RUBCN: variants seen among roughly 807,000 people sequenced by gnomAD.
RUBCN encodes the protein rubicon autophagy regulator, also known as run domain Beclin-1-interacting and cysteine-rich domain-containing protein.
RUBCN carries 74 observed loss-of-function variants against 113.2 expected under a neutral mutation model. The observed-to-expected ratio is 0.65, with a 90% CI of 0.54 to 0.79. RUBCN has a LOEUF of 0.79. Among genes scored for constraint, RUBCN ranks in the 30% least tolerant of loss-of-function variants. The probability of loss-of-function intolerance (pLI) is 0.00; values close to 1 mark genes in which losing one functional copy is unlikely to be tolerated. For missense variants in RUBCN, 1,109 were observed against 1,251.7 expected (o/e 0.89, Z 1.72); for synonymous variants, 480 against 490.0 (o/e 0.98, Z 0.27).
At chr3:197,706,185 C>A (rs1724280258) in intron 2 of RUBCN, among the ~76,000 whole-genome samples, 3 of 152,168 alleles carry the variant, frequency 2.0e-5, no homozygotes. Flanking sequence ...TTCCACGCCA[C>A]CCAGGTCAGG....
chr3:197,677,793 T>C (rs1467044488), intron 16 of RUBCN, among the ~76,000 whole-genome samples: 1 of 147,716 alleles, frequency 6.8e-6, no homozygotes, highest in Non-Finnish European at 1.5e-5. Flanking sequence ...GACACCTGGC[T>C]TCAGACTGTC....
chr3:197,669,790 T>C lies in RUBCN; in HGVS notation c.*5228A>G, dbSNP rs1188254662. 6.6e-6 allele frequency among the ~76,000 whole-genome samples: 1 copy of C among 152,270 alleles called. No homozygotes were observed. Among genetic ancestry groups the C allele is most frequent in the Non-Finnish European group, 1.5e-5 (1 of 68,048 alleles). ...ATTTATTTATTTGGTCATTTATTTA[T>C]GTATGTATGGACTAATAAATATATA... On this transcript the variant is annotated 3_prime_UTR_variant, in exon 20 of 20. Transcript: ENST00000296343.
chr3:197,747,090 C>T (rs1488026426), intron 1 of RUBCN, among the ~76,000 whole-genome samples: 4 of 152,072 alleles, frequency 2.6e-5, no homozygotes, highest in African/African-American at 7.2e-5. Context: ...GACCCAGTTC[C>T]GATTTCTTGG....
intron 1 of RUBCN, among the ~76,000 whole-genome samples, chr3:197,742,947 C>T (rs921695687): frequency 3.9e-5 from 6 of 152,184 alleles, no homozygotes; most frequent in African/African-American, 1.4e-4. Context: ...AATCTAGAAC[C>T]CCTGGTGGTC....
At chr3:197,705,868 C>T (rs1249873283) in intron 2 of RUBCN, among the ~76,000 whole-genome samples, 1 of 152,106 alleles carries the variant, frequency 6.6e-6, no homozygotes, top group South Asian at 2.1e-4. Context: ...GCTAGAACTA[C>T]AGGCACATGA....
At chr3:197,749,646 C>G in exon 1 of RUBCN, 1 of 879,434 alleles carries the variant, frequency 1.1e-6, no homozygotes, top group Non-Finnish European at 1.7e-6. Context: ...GCATAAGATT[C>G]AGAGGTGCCC....
chr3:197,693,592 C>A, intron 11 of RUBCN, 123 bp downstream of exon 11: 1 of 748,224 alleles, frequency 1.3e-6, no homozygotes, highest in East Asian at 2.8e-5. Flanking sequence ...AAGGCTGTCC[C>A]TTACAATAGC....
intron 1 of RUBCN, among the ~76,000 whole-genome samples, chr3:197,747,702 G>A (rs189146762): frequency 2.6e-5 from 4 of 152,278 alleles, no homozygotes; most frequent in Admixed American, 2.6e-4. Flanking sequence ...AGCAGAGATG[G>A]TAGAAGTTAT....
chr3:197,693,858 G>A, intron 10 of RUBCN, 42 bp from the exon 11 acceptor site: 1 of 1,353,262 alleles, frequency 7.4e-7, no homozygotes, highest in Admixed American at 1.7e-5. Flanking sequence ...AGGGCAGAAA[G>A]AGGTCTTCTT....
intron 11 of RUBCN, among the ~76,000 whole-genome samples, chr3:197,688,103 T>C (rs1722044208): frequency 6.6e-6 from 1 of 152,190 alleles, no homozygotes; most frequent in Non-Finnish European, 1.5e-5. Flanking sequence ...CTCGGCTCAC[T>C]GCAACCTCCA....
At chr3:197,685,493 C>T (rs553140565) in intron 11 of RUBCN, among the ~76,000 whole-genome samples, 1 of 152,138 alleles carries the variant, frequency 6.6e-6, no homozygotes, top group Non-Finnish European at 1.5e-5. Flanking sequence ...ATCACCCTAA[C>T]AAGAAATAAG....
exon 1 of RUBCN, chr3:197,749,335 G>T: frequency 4.4e-6 from 5 of 1,149,294 alleles, no homozygotes; most frequent in Non-Finnish European, 5.5e-6. Flanking sequence ...TGAGAGTGCC[G>T]ATTGAGAGAA....
intron 1 of RUBCN, among the ~76,000 whole-genome samples, chr3:197,748,674 G>A (rs902884644): frequency 5.3e-5 from 8 of 152,188 alleles, no homozygotes; most frequent in Non-Finnish European, 8.8e-5. Flanking sequence ...TTATTGTTAA[G>A]GTGACCGCAA....
intron 1 of RUBCN, 50 bp downstream of exon 1, chr3:197,736,605 G>C (rs1397090132): frequency 9.2e-6 from 14 of 1,526,278 alleles, no homozygotes; most frequent in African/African-American, 4.1e-5. Context: ...AAGCCTCCCG[G>C]GGCTCCGGCG....
chr3:197,729,413 C>CGGCTAATTTTTTT (rs1727158461), intron 1 of RUBCN, among the ~76,000 whole-genome samples: 1 of 151,892 alleles, frequency 6.6e-6, no homozygotes, highest in Non-Finnish European at 1.5e-5. Flanking sequence ...CCACCACGCC[C>CGGCTAATTTTTTT]GGCTAATTTT....
chr3:197,717,999 T>C lies in RUBCN; in HGVS notation c.197A>G (p.Tyr66Cys), dbSNP rs758564558. 1 of 1,614,070 alleles carries C rather than the reference T, an allele frequency of 6.2e-7. No homozygotes were observed. Among genetic ancestry groups the C allele is most frequent in the Non-Finnish European group, 8.5e-7 (1 of 1,180,028 alleles). Residue 66 changes from tyrosine to cysteine, a missense_variant, in exon 2 of 20, where the codon TAT becomes TGT. Coordinates refer to ENST00000296343, the MANE Select transcript of RUBCN (RefSeq NM_014687.4). Reference sequence around the variant, plus strand: ...TACCTGGTCACGGATAAGCCCGTGATAGAGGATGCTCTGCATGTCCCTGCA... The same window carrying C: ...TACCTGGTCACGGATAAGCCCGTGACAGAGGATGCTCTGCATGTCCCTGCA... Reference protein sequence around the residue: ...RLCRDMQSILYHGLIRDQACR... With the variant: ...RLCRDMQSILCHGLIRDQACR...
chr3:197,681,111 C>G lies in RUBCN; in HGVS notation c.2430+18G>C, dbSNP rs1050975947. 7.1e-6 allele frequency: 11 copies of G among 1,559,678 alleles called. No homozygotes were observed. In the Admixed American group the frequency reaches 1.0e-4, roughly 14 times the overall value. On this transcript the variant is annotated intron_variant, in intron 16 of 19. Transcript: ENST00000296343. This position sits in a 1 kb window ranked among gnomAD's most constrained non-coding sequence, Gnocchi z 5.5. ...GGAGAAGGGCAAGACTCTAAGGTGG[C>G]CTTTTCCAAGGTCTTACCCGGACTT...
Position 197,681,865 on chromosome 3 carries a change from A to T in RUBCN, c.2161T>A (p.Cys721Ser), listed in dbSNP as rs1721282898. ...TCAGTCCGGATGCCACATCCTGCACAGCGGTAATTCTGCTTGGCCACGGCA... is the reference window on the plus strand; with the variant it reads ...TCAGTCCGGATGCCACATCCTGCACTGCGGTAATTCTGCTTGGCCACGGCA... ...KIAVAKQNYR[C>S]AGCGIRTDPD... Residue 721 changes from cysteine to serine, a missense_variant, in exon 15 of 20, where the codon TGT becomes AGT. This residue lies in a region of RUBCN where 306 missense variants were observed against 348.9 expected (regional missense o/e 0.88). Transcript: ENST00000296343. This position sits in a 1 kb window ranked among gnomAD's most constrained non-coding sequence, Gnocchi z 5.5. 2 of 1,614,054 alleles carry T rather than the reference A, an allele frequency of 1.2e-6. No individual in the cohort carries two copies. Among genetic ancestry groups the T allele is most frequent in the Non-Finnish European group, 1.7e-6 (2 of 1,179,992 alleles).
At position 197,682,763 on chromosome 3, in the gene RUBCN, C is replaced by G. The variant is rs909238918; in HGVS notation, c.1981-148G>C. On this transcript the variant is annotated intron_variant, in intron 13 of 19. Coordinates refer to ENST00000296343, the MANE Select transcript of RUBCN (RefSeq NM_014687.4). ...GGGCTTGAGAAACAGAAATGCGGGA[C>G]CCTTTTGGCCATGACAGAGCATAAT... The G allele has an allele frequency of 8.8e-6, 9 of 1,017,610 alleles. No homozygotes were observed. The African/African-American group carries it at 1.3e-4, about 14-fold the overall frequency. 63.0% of individuals were successfully genotyped at this position (1,017,610 alleles called of 1,614,324 possible).
Sources: allele counts gnomAD v4.1 joint callset (sites outside exome capture counted in the v4.1 genomes callset), GRCh38; gene constraint gnomAD v4.1.1; regional missense constraint gnomAD v4.1.1; non-coding constraint Gnocchi (gnomAD v3.1); transcripts MANE v1.5; gene names NCBI Gene and HGNC (gene_info 2026-07-23, HGNC 2026-07-21).